GRM7: variants seen among roughly 807,000 people sequenced by gnomAD.
GRM7 encodes metabotropic glutamate receptor 7.
A neutral mutation model predicts 84.5 loss-of-function variants in GRM7; 35 were observed. The observed-to-expected ratio is 0.41, with a 90% CI of 0.32 to 0.55. The LOEUF (loss-of-function observed/expected upper bound fraction) is 0.55, where lower values mean the gene tolerates loss of function less well. Ranked by LOEUF, GRM7 falls within the 20% of genes least tolerant of loss-of-function variation. The pLI is 0.19. For missense variants in GRM7, 1,003 were observed against 1,194.6 expected (o/e 0.84, Z 2.36); for synonymous variants, 487 against 455.1 (o/e 1.07, Z -0.89).
At chr3:6,934,032 T>A (rs1031297924) in intron 1 of GRM7, among the ~76,000 whole-genome samples, 4 of 152,196 alleles carry the variant, frequency 2.6e-5, no homozygotes, top group African/African-American at 9.6e-5. Flanking sequence ...ACAGTTCCAA[T>A]GTGTGACTGA....
At chr3:7,103,076 A>T (rs1699168522) in intron 1 of GRM7, among the ~76,000 whole-genome samples, 1 of 151,654 alleles carries the variant, frequency 6.6e-6, no homozygotes, top group Admixed American at 6.6e-5. Flanking sequence ...TTCCCTCTTG[A>T]TAATGTAACT....
At chr3:7,148,484 A>C (rs536076074) in intron 2 of GRM7, among the ~76,000 whole-genome samples, 50 of 152,296 alleles carry the variant, frequency 3.3e-4, no homozygotes, top group African/African-American at 1.2e-3. Context: ...TACAGTGTTC[A>C]TGAGGTCAAA....
At position 7,572,823 on chromosome 3, in the gene GRM7, AATATATATATATATATATATATATAT is replaced by A. The variant is rs1158871205; in HGVS notation, c.1516-5567_1516-5542del. On this transcript the variant is annotated intron_variant, in intron 7 of 9. Transcript: ENST00000357716. The stretch of plus-strand genomic sequence containing the variant: ...GGCGACAGAGTGAGACTCTATCTCA[AATATATATATATATATATATATATAT>A]ATATATATATATATATATATATATA... Among the ~76,000 whole-genome samples, 88 of 12,478 alleles carry A rather than the reference AATATATATATATATATATATATATAT, an allele frequency of 7.1e-3. 8 individuals are homozygous for A. Among genetic ancestry groups the A allele is most frequent in the South Asian group, 0.017 (8 of 460 alleles). 8.2% of individuals were successfully genotyped at this position (12,478 alleles called of 152,430 possible).
intron 8 of GRM7, among the ~76,000 whole-genome samples, chr3:7,625,722 T>TCG (rs1697577759): frequency 6.6e-6 from 1 of 152,194 alleles, no homozygotes; most frequent in African/African-American, 2.4e-5. Flanking sequence ...CCCTGTCTGC[T>TCG]TCTGCCCTGA....
intron 4 of GRM7, among the ~76,000 whole-genome samples, chr3:7,355,313 G>T (rs776303967): frequency 1.3e-5 from 2 of 152,056 alleles, no homozygotes; most frequent in Non-Finnish European, 2.9e-5. Context: ...TATTTATTAA[G>T]TGACCTGAAA....
rs1695591888 is a variant in GRM7 at position 7,188,417 on chromosome 3, T to TA, written c.736+41750dup. 6.6e-6 allele frequency among the ~76,000 whole-genome samples: 1 copy of TA among 152,212 alleles called. No homozygotes were observed. Among genetic ancestry groups the TA allele is most frequent in the Non-Finnish European group, 1.5e-5 (1 of 68,044 alleles). Reference sequence around the variant, plus strand: ...TAATCTGCATGGCATATCCAGCTCATATCTTGTTTTTCTATGGTGCTCCAG... The same window carrying TA: ...TAATCTGCATGGCATATCCAGCTCATAATCTTGTTTTTCTATGGTGCTCCAG... On this transcript the variant is annotated intron_variant, in intron 2 of 9. Transcript: ENST00000357716. This position sits in a 1 kb window ranked among gnomAD's most constrained non-coding sequence, Gnocchi z 4.2.
rs1491209590 is a variant in GRM7, at chr3:7,452,586, GTT to G, written c.1175-19_1175-18del. On this transcript the variant is annotated intron_variant, in intron 5 of 9. Transcript: ENST00000357716. ...TGTGTGTGTGTGTGTGTGTGTGTGTGTTTCTTGTTTTAATGTGCAGGACAGGA... is the reference window on the plus strand; with the variant it reads ...TGTGTGTGTGTGTGTGTGTGTGTGTGTCTTGTTTTAATGTGCAGGACAGGA... The G allele has an allele frequency of 1.5e-6, 2 of 1,338,172 alleles. No individual in the cohort carries two copies. Among genetic ancestry groups the G allele is most frequent in the South Asian group, 2.3e-5 (2 of 85,750 alleles). 82.9% of individuals were successfully genotyped at this position (1,338,172 alleles called of 1,614,324 possible). A position where few individuals can be genotyped will look rare whatever the true frequency, so the allele number is the denominator to read the frequency against.
intron 1 of GRM7, among the ~76,000 whole-genome samples, chr3:7,092,700 G>T (rs1358920643): frequency 6.6e-6 from 1 of 152,080 alleles, no homozygotes; most frequent in Non-Finnish European, 1.5e-5. Context: ...TTTTGAGAAG[G>T]GGGAGGTCAT....
chr3:7,584,386 A>G (rs897357199), intron 8 of GRM7, among the ~76,000 whole-genome samples: 1 of 152,212 alleles, frequency 6.6e-6, no homozygotes, highest in Non-Finnish European at 1.5e-5. Flanking sequence ...ATATTGACTT[A>G]TGTGCCTGTT....
At position 7,680,235 on chromosome 3, in the gene GRM7, C is replaced by T; in HGVS notation, c.2638C>T (p.Pro880Ser). 6.2e-7 allele frequency: 1 copy of T among 1,613,862 alleles called. No homozygotes were observed. Among genetic ancestry groups the T allele is most frequent in the Non-Finnish European group, 8.5e-7 (1 of 1,179,726 alleles). Residue 880 changes from proline to serine, a missense_variant, in exon 9 of 10, where the codon CCC becomes TCC. Around this residue, in one of 2 missense-constraint regions of GRM7, gnomAD observed 910 missense variants for 1,126.0 expected, o/e 0.81. Transcript: ENST00000357716. ...ATMSSRLSHK[P>S]SDRPNGEAKT... ...CATGTCATCGAGGCTGTCACACAAA[C>T]CCAGTGACAGACCCAACGGTGAGGC...
At chr3:7,192,647 A>G (rs534448113) in intron 2 of GRM7, among the ~76,000 whole-genome samples, 7 of 152,052 alleles carry the variant, frequency 4.6e-5, no homozygotes, top group Non-Finnish European at 1.0e-4. Flanking sequence ...TTGTCCCTCT[A>G]TCTTGGCTCC....
At chr3:7,060,440 T>A (rs1286259124) in intron 1 of GRM7, among the ~76,000 whole-genome samples, 1 of 151,796 alleles carries the variant, frequency 6.6e-6, no homozygotes, top group East Asian at 1.9e-4. Context: ...AAAAAACATA[T>A]GCTGTCTTTA....
chr3:7,160,579 A>T (rs1694592912), intron 2 of GRM7, among the ~76,000 whole-genome samples: 1 of 151,854 alleles, frequency 6.6e-6, no homozygotes, highest in Non-Finnish European at 1.5e-5. Context: ...ACCACCACTG[A>T]CTCCCTTGAT....
rs906003736 is a variant in GRM7 at position 7,464,669 on chromosome 3, T to C, written c.1515+2947T>C. Among the ~76,000 whole-genome samples the C allele has an allele frequency of 7.9e-5, 12 of 151,410 alleles. No homozygotes were observed. In the East Asian group the frequency reaches 1.4e-3, roughly 17 times the overall value. ...CACTGTGAAACCCCGTCTCTAAAAATACAAAAAAATTAGCCGGGCATGGTG... is the reference window on the plus strand; with the variant it reads ...CACTGTGAAACCCCGTCTCTAAAAACACAAAAAAATTAGCCGGGCATGGTG... On this transcript the variant is annotated intron_variant, in intron 7 of 9. Transcript: ENST00000357716.
intron 1 of GRM7, among the ~76,000 whole-genome samples, chr3:7,058,531 A>G (rs1314499988): frequency 1.3e-5 from 2 of 151,932 alleles, no homozygotes; most frequent in African/African-American, 4.8e-5. Context: ...GTTTATGTTC[A>G]TTAATATATT....
At chr3:7,185,839 G>A (rs1443007034) in intron 2 of GRM7, among the ~76,000 whole-genome samples, 4 of 152,166 alleles carry the variant, frequency 2.6e-5, no homozygotes, top group Non-Finnish European at 4.4e-5. Context: ...GGGAACTCTT[G>A]CCCTTCAAAG....
At chr3:6,890,929 A>G (rs1219202014) in intron 1 of GRM7, among the ~76,000 whole-genome samples, 1 of 152,016 alleles carries the variant, frequency 6.6e-6, no homozygotes, top group African/African-American at 2.4e-5. Flanking sequence ...TATTGGGTGT[A>G]TATATATTTA....
intron 4 of GRM7, among the ~76,000 whole-genome samples, chr3:7,341,472 T>C (rs957549739): frequency 1.3e-5 from 2 of 152,056 alleles, no homozygotes; most frequent in African/African-American, 4.8e-5. Context: ...AGAGTATTAC[T>C]ATTTTATGAG....
Position 7,554,687 on chromosome 3 carries a change from A to G in GRM7, c.1516-23735A>G, listed in dbSNP as rs892732612. ...GTGAGGATGGTAGGTCCTGGGCTCC[A>G]TTCAGTCTTTCAAGGATCCATACTC... On this transcript the variant is annotated intron_variant, in intron 7 of 9. Transcript: ENST00000357716. Among the ~76,000 whole-genome samples, 5 of 152,152 alleles carry G rather than the reference A, an allele frequency of 3.3e-5. No homozygotes were observed. In the South Asian group the frequency reaches 6.2e-4, roughly 19 times the overall value.
Sources: gnomAD v4.1 joint callset for allele counts (sites outside exome capture counted in the v4.1 genomes callset) on GRCh38, gnomAD v4.1.1 for gene constraint, gnomAD v4.1.1 regional missense constraint, Gnocchi (gnomAD v3.1) non-coding constraint, MANE v1.5 for transcripts, NCBI Gene and HGNC (gene_info 2026-07-23, HGNC 2026-07-21) for gene names.